GNG12: variants seen among roughly 807,000 people sequenced by gnomAD.
The protein encoded by GNG12 is guanine nucleotide-binding protein G(I)/G(S)/G(O) subunit gamma-12.
For synonymous variants in GNG12, 28 were observed against 29.7 expected (o/e 0.94, Z 0.19); for missense variants, 69 against 83.8 (o/e 0.82, Z 0.69).
chr1:67,766,148 A>ACACACACACACACACC (rs756645057), intron 2 of GNG12, among the ~76,000 whole-genome samples: 9 of 133,790 alleles, frequency 6.7e-5, no homozygotes, highest in South Asian at 4.5e-4. Flanking sequence ...ACACACACAC[A>ACACACACACACACACC]CCCCTAAACA....
At chr1:67,816,098 T>C (rs1023258784) in intron 1 of GNG12, among the ~76,000 whole-genome samples, 2 of 152,240 alleles carry the variant, frequency 1.3e-5, no homozygotes, top group African/African-American at 4.8e-5. Context: ...TCAGTGAGGC[T>C]GCGGAAGCTG....
chr1:67,706,880 G>A lies in GNG12; in HGVS notation c.93+714C>T, dbSNP rs184819978. On this transcript the variant is annotated intron_variant, in intron 3 of 3. Coordinates refer to ENST00000370982, the MANE Select transcript of GNG12 (RefSeq NM_018841.6). Reference sequence around the variant, plus strand: ...TCTCCATGTTGGTCAGGCTGGTCTCGAATTCCCAACCTCAGGTGATCTGCC... The same window carrying A: ...TCTCCATGTTGGTCAGGCTGGTCTCAAATTCCCAACCTCAGGTGATCTGCC... Among the ~76,000 whole-genome samples the A allele has an allele frequency of 6.6e-5, 10 of 152,106 alleles. No homozygotes were observed. The East Asian group carries it at 1.2e-3, about 18-fold the overall frequency.
intron 2 of GNG12, among the ~76,000 whole-genome samples, chr1:67,760,070 T>C (rs1369802008): frequency 6.6e-6 from 1 of 152,240 alleles, no homozygotes; most frequent in Non-Finnish European, 1.5e-5. Context: ...CAGTATCAAA[T>C]ACCAGAAGTA....
chr1:67,709,052 T>C (rs967952964), intron 2 of GNG12, among the ~76,000 whole-genome samples: 4 of 152,232 alleles, frequency 2.6e-5, no homozygotes, highest in African/African-American at 7.2e-5. Flanking sequence ...ACGACTTGGG[T>C]AGGGCTTGTA....
chr1:67,763,346 T>C (rs1646617373), intron 2 of GNG12, among the ~76,000 whole-genome samples: 1 of 152,188 alleles, frequency 6.6e-6, no homozygotes, highest in South Asian at 2.1e-4. Context: ...CTGTCATGTC[T>C]CTTTAGTCTT....
intron 2 of GNG12, among the ~76,000 whole-genome samples, chr1:67,767,053 A>G (rs776615695): frequency 6.6e-6 from 1 of 152,180 alleles, no homozygotes; most frequent in Non-Finnish European, 1.5e-5. Flanking sequence ...AGCCTTATAC[A>G]ATTTTGGGGG....
At chr1:67,761,771 C>A (rs1646606302) in intron 2 of GNG12, among the ~76,000 whole-genome samples, 1 of 152,138 alleles carries the variant, frequency 6.6e-6, no homozygotes. Flanking sequence ...GGTATGTGCA[C>A]ACCATCCGCT....
intron 2 of GNG12, among the ~76,000 whole-genome samples, chr1:67,718,839 T>G (rs1050098447): frequency 2.0e-5 from 3 of 152,166 alleles, no homozygotes; most frequent in African/African-American, 7.2e-5. Context: ...CTCAAGATCC[T>G]CTCTAATGTT....
intron 1 of GNG12, among the ~76,000 whole-genome samples, chr1:67,818,165 G>A (rs1191757377): frequency 1.3e-5 from 2 of 152,082 alleles, no homozygotes; most frequent in African/African-American, 4.8e-5. Flanking sequence ...TTTACTAGGT[G>A]GTTTGAAGGA....
At chr1:67,757,805 C>T (rs1416782537) in intron 2 of GNG12, among the ~76,000 whole-genome samples, 2 of 152,278 alleles carry the variant, frequency 1.3e-5, no homozygotes, top group Admixed American at 6.5e-5. Context: ...GAAGGCTGAA[C>T]TAGGGGTCCC....
intron 1 of GNG12, among the ~76,000 whole-genome samples, chr1:67,809,713 G>A (rs1478763843): frequency 1.3e-5 from 2 of 151,936 alleles, no homozygotes; most frequent in African/African-American, 4.8e-5. Flanking sequence ...AATTACAAAC[G>A]AAAACAACGA....
chr1:67,770,361 A>G (rs1425467767), intron 2 of GNG12, among the ~76,000 whole-genome samples: 1 of 152,158 alleles, frequency 6.6e-6, no homozygotes. Context: ...TTTGATATGC[A>G]TCTCCCTCAG....
intron 2 of GNG12, among the ~76,000 whole-genome samples, chr1:67,770,865 T>C (rs1177865930): frequency 6.6e-6 from 1 of 152,178 alleles, no homozygotes; most frequent in Non-Finnish European, 1.5e-5. Context: ...GAGGGGGAAG[T>C]GGCCCTTGGT....
At chr1:67,759,502 G>T (rs1339250914) in intron 2 of GNG12, among the ~76,000 whole-genome samples, 1 of 152,186 alleles carries the variant, frequency 6.6e-6, no homozygotes, top group Non-Finnish European at 1.5e-5. Flanking sequence ...GCGAATATCT[G>T]TTGGCTGTAA....
At chr1:67,766,358 A>G (rs1646639410) in intron 2 of GNG12, among the ~76,000 whole-genome samples, 1 of 150,764 alleles carries the variant, frequency 6.6e-6, no homozygotes, top group African/African-American at 2.4e-5. Flanking sequence ...GCACAGTGCT[A>G]GAAAGATATT....
intron 1 of GNG12, among the ~76,000 whole-genome samples, chr1:67,824,038 G>C (rs963135817): frequency 1.3e-5 from 2 of 152,130 alleles, no homozygotes; most frequent in Non-Finnish European, 2.9e-5. Context: ...AGGTAAAGAA[G>C]AGTATATACA....
intron 2 of GNG12, among the ~76,000 whole-genome samples, chr1:67,712,181 T>C (rs1292498616): frequency 2.6e-5 from 4 of 152,216 alleles, no homozygotes; most frequent in Non-Finnish European, 5.9e-5. Context: ...CTTCCCTCAG[T>C]GGTGAGGATG....
intron 1 of GNG12, among the ~76,000 whole-genome samples, chr1:67,787,996 G>C (rs1462445189): frequency 6.6e-6 from 1 of 152,184 alleles, no homozygotes; most frequent in Admixed American, 6.5e-5. Flanking sequence ...CATGAAGTGG[G>C]CAATGGGATT....
chr1:67,783,413 A>G (rs954767721), intron 1 of GNG12, among the ~76,000 whole-genome samples: 2 of 152,158 alleles, frequency 1.3e-5, no homozygotes, highest in Non-Finnish European at 2.9e-5. Context: ...TTAGCATACA[A>G]TAATATCACC....
Sources: allele counts gnomAD v4.1 joint callset (sites outside exome capture counted in the v4.1 genomes callset), GRCh38; gene constraint gnomAD v4.1.1; transcripts MANE v1.5; gene names NCBI Gene and HGNC (gene_info 2026-07-23, HGNC 2026-07-21).